Variants in NPHP3 observed in about 807,000 individuals in gnomAD.
NPHP3 encodes the protein nephrocystin-3.
A neutral mutation model predicts 171.9 loss-of-function variants in NPHP3; 123 were observed. That is an observed-to-expected ratio of 0.72 (90% CI 0.62 to 0.83). NPHP3 has a LOEUF of 0.83. Ranked by LOEUF, NPHP3 falls within the 40% of genes least tolerant of loss-of-function variation. The pLI, the probability that NPHP3 is intolerant of heterozygous loss-of-function variation, is 0.00. For missense variants in NPHP3, 1,506 were observed against 1,591.9 expected (o/e 0.95, Z 0.92); for synonymous variants, 558 against 579.2 (o/e 0.96, Z 0.52).
chr3:132,681,952 T>A lies in NPHP3; in HGVS notation c.3951A>T (p.Thr1317=). ...SSSGDTFSLK[T]AHSPNVFLQQ... is the part of the protein sequence containing the mutation. Reference sequence around the variant, plus strand: ...GAAGGAAAACATTAGGAGAATGAGCTGTTTTTAAGCTAAACGTGTCTCCAC... The same window carrying A: ...GAAGGAAAACATTAGGAGAATGAGCAGTTTTTAAGCTAAACGTGTCTCCAC... Residue 1317 remains threonine (T), a synonymous_variant, in exon 27 of 27, where the codon ACA becomes ACT. Coordinates refer to ENST00000337331, the MANE Select transcript of NPHP3 (RefSeq NM_153240.5). 1 of 1,614,186 alleles carries A rather than the reference T, an allele frequency of 6.2e-7. No homozygotes were observed. The highest frequency in any genetic ancestry group is 2.2e-5 in the East Asian group (1 of 44,864).
rs1306201779 is a variant in NPHP3 at position 132,681,552 on chromosome 3, G to A, written c.*358C>T. ...CAAAGTGGTGGGATTACAGGCATGA[G>A]CCACCATGCCTGGCCAAGATTCATG... On this transcript the variant is annotated 3_prime_UTR_variant, in exon 27 of 27. Coordinates refer to ENST00000337331, the MANE Select transcript of NPHP3 (RefSeq NM_153240.5). 1.4e-5 allele frequency: 4 copies of A among 291,726 alleles called. No individual in the cohort carries two copies. The highest frequency in any genetic ancestry group is 9.0e-5 in the African/African-American group (4 of 44,630). The allele number at this position is 291,726 out of a possible 1,614,324, so 18.1% of individuals were successfully genotyped here. A position where few individuals can be genotyped will look rare whatever the true frequency, so the allele number is the denominator to read the frequency against.
chr3:132,692,882 A>C, intron 16 of NPHP3, 64 bp from the exon 17 acceptor site: 1 of 1,325,718 alleles, frequency 7.5e-7, no homozygotes, highest in Non-Finnish European at 1.1e-6. Context: ...ACGGCCATTA[A>C]AAGTTCCATA....
At position 132,687,215 on chromosome 3, in the gene NPHP3, G is replaced by A. The variant is rs756790389; in HGVS notation, c.3137C>T (p.Ala1046Val). The change falls in exon 22 of 27, where the codon GCT becomes GTT. Residue 1046 changes from alanine (A) to valine (V), a missense_variant. This residue lies in a region of NPHP3 where 569 missense variants were observed against 648.1 expected (regional missense o/e 0.88). Coordinates refer to ENST00000337331, the MANE Select transcript of NPHP3 (RefSeq NM_153240.5). ...LYQKQNKYEQ[A>V]EHFRKKSFKI... ...AAAGGATTTTTTCCTAAAATGTTCA[G>A]CTTGTTCATATCTTAAAAAAAAATT... The A allele has an allele frequency of 5.8e-6, 8 of 1,377,432 alleles. No individual in the cohort carries two copies. Among genetic ancestry groups the A allele is most frequent in the Non-Finnish European group, 8.2e-6 (8 of 969,824 alleles). The allele number at this position is 1,377,432 out of a possible 1,614,324, so 85.3% of individuals were successfully genotyped here.
chr3:132,699,007 C>T (rs1214673080), intron 13 of NPHP3, among the ~76,000 whole-genome samples: 1 of 152,158 alleles, frequency 6.6e-6, no homozygotes, highest in Non-Finnish European at 1.5e-5. Flanking sequence ...ATTCTCCTGC[C>T]TCAGCCTTCC....
At chr3:132,714,127 T>C (rs867646080) in intron 5 of NPHP3, among the ~76,000 whole-genome samples, 2 of 152,370 alleles carry the variant, frequency 1.3e-5, no homozygotes, top group African/African-American at 4.8e-5. Flanking sequence ...ATTGGTGTTG[T>C]AGTGCTGCCA....
intron 16 of NPHP3, 160 bp from the exon 17 acceptor site, chr3:132,692,978 T>C (rs1166913751): frequency 4.0e-5 from 26 of 649,414 alleles, no homozygotes; most frequent in Non-Finnish European, 6.4e-5. Flanking sequence ...AAACACACTG[T>C]CCAAAAGACA....
chr3:132,684,959 C>A, intron 23 of NPHP3, 165 bp from the exon 24 acceptor site: 1 of 743,496 alleles, frequency 1.3e-6, no homozygotes, highest in Non-Finnish European at 2.2e-6. Context: ...ACCCCTATCT[C>A]TTCCTGCCCT....
In NPHP3 at chr3:132,722,409, C is replaced by T. The variant is rs1289350111; in HGVS notation, c.-54G>A. ...GTACCAGCAGGACTGGGCAGCGGAA[C>T]GGAACGGGACGGGGTGGGGCAGAGG... On this transcript the variant is annotated 5_prime_UTR_variant, in exon 1 of 27. Coordinates refer to ENST00000337331, the MANE Select transcript of NPHP3 (RefSeq NM_153240.5). 29 of 1,385,050 alleles carry T rather than the reference C, an allele frequency of 2.1e-5. No individual in the cohort carries two copies. Among genetic ancestry groups the T allele is most frequent in the Non-Finnish European group, 9.7e-7 (1 of 1,035,444 alleles). The allele number at this position is 1,385,050 out of a possible 1,614,324, so 85.8% of individuals were successfully genotyped here.
rs139380346 is a variant in NPHP3, at chr3:132,689,006, G to A, written c.2883+68C>T. 4.9e-4 allele frequency: 790 copies of A among 1,610,942 alleles called. 5 individuals carry two copies. The African/African-American group carries it at 7.6e-3, about 15-fold the overall frequency. On this transcript the variant is annotated intron_variant, in intron 20 of 26. Coordinates refer to ENST00000337331, the MANE Select transcript of NPHP3 (RefSeq NM_153240.5). ...CAAATGAAAACCACATTAACATCTT[G>A]GAAAAAGAGAAGAGTGAACACAAAA...
chr3:132,708,700 G>A (rs1939823240), intron 6 of NPHP3, among the ~76,000 whole-genome samples: 4 of 152,152 alleles, frequency 2.6e-5, no homozygotes, highest in Admixed American at 2.0e-4. Context: ...GCACCATCCA[G>A]GGCAACAGCC....
At position 132,688,643 on chromosome 3, in the gene NPHP3, A is replaced by G; in HGVS notation, c.3125+7T>C. ...AAATCAGGTATTACTGATCTAAAAAATCTTACTTATTTTGTTTCTGGTACA... is the reference window on the plus strand; with the variant it reads ...AAATCAGGTATTACTGATCTAAAAAGTCTTACTTATTTTGTTTCTGGTACA... On this transcript the variant is annotated splice_region_variant and intron_variant, in intron 21 of 26. Transcript: ENST00000337331. 6.2e-7 allele frequency: 1 copy of G among 1,613,850 alleles called. No individual in the cohort carries two copies. Among genetic ancestry groups the G allele is most frequent in the South Asian group, 1.1e-5 (1 of 91,072 alleles).
Position 132,722,205 on chromosome 3 carries a change from C to T in NPHP3, c.151G>A (p.Ala51Thr), listed in dbSNP as rs544912479. ...GACCCGGGCCCGGCCCCTGCTGCCG[C>T]CCCCGCGCCTCGGCGGAACGAGTTG... ...LRNSFRRGAGAAAGAGPGSLP... is the reference protein window; with the variant it reads ...LRNSFRRGAGTAAGAGPGSLP... The change falls in exon 1 of 27, where the codon GCG (alanine) becomes ACG (threonine). Residue 51 changes from alanine to threonine, a missense_variant. Physicochemically the swap from Ala to Thr is moderately conservative, Grantham distance 58 (BLOSUM62 0). Transcript: ENST00000337331. 2.6e-6 allele frequency: 4 copies of T among 1,513,214 alleles called. No homozygotes were observed. In the African/African-American group the frequency reaches 4.3e-5, roughly 16 times the overall value. 93.7% of individuals were successfully genotyped at this position (1,513,214 alleles called of 1,614,324 possible).
At chr3:132,712,550 A>C in intron 6 of NPHP3, 2 of 446,412 alleles carry the variant, frequency 4.5e-6, no homozygotes, top group South Asian at 3.2e-5. Flanking sequence ...GGGGATCACA[A>C]GGTTAGGAGA....
At chr3:132,706,322 G>T (rs1939750340) in intron 7 of NPHP3, among the ~76,000 whole-genome samples, 1 of 149,126 alleles carries the variant, frequency 6.7e-6, no homozygotes, top group Non-Finnish European at 1.5e-5. Flanking sequence ...TCGCTCTACT[G>T]CACTCCAGCC....
intron 10 of NPHP3, among the ~76,000 whole-genome samples, chr3:132,701,032 G>A (rs1173308335): frequency 6.6e-6 from 1 of 152,072 alleles, no homozygotes; most frequent in Non-Finnish European, 1.5e-5. Context: ...ACTCTAACTA[G>A]TATGCTTTTG....
intron 1 of NPHP3, among the ~76,000 whole-genome samples, chr3:132,720,420 T>C (rs1410520404): frequency 6.6e-6 from 1 of 152,198 alleles, no homozygotes; most frequent in Non-Finnish European, 1.5e-5. Context: ...CTCCGCCCTG[T>C]TTGGTTTGGC....
rs1482408615 is a variant in NPHP3, at chr3:132,713,171, T to C, written c.1073A>G (p.Glu358Gly). 3 of 1,524,572 alleles carry C rather than the reference T, an allele frequency of 2.0e-6. No individual in the cohort carries two copies. Among genetic ancestry groups the C allele is most frequent in the Non-Finnish European group, 2.7e-6 (3 of 1,111,790 alleles). 94.4% of individuals were successfully genotyped at this position (1,524,572 alleles called of 1,614,324 possible). ...QYLTVRKWEI[E>G]KSSLVILFIH... ...AAATAAAATAACTAAAGAACTTTTC[T>C]CAATTTCCCATTTTCTTACAGTGAG... Residue 358 changes from glutamate (E) to glycine (G), a missense_variant, in exon 6 of 27, where the codon GAG (glutamate) becomes GGG (glycine). Physicochemically the swap from Glu to Gly is moderately conservative, Grantham distance 98 (BLOSUM62 -2). Coordinates refer to ENST00000337331, the MANE Select transcript of NPHP3 (RefSeq NM_153240.5).
In NPHP3 at chr3:132,696,728, C is replaced by T. The variant is rs2107976705; in HGVS notation, c.2171+3G>A. 2 of 1,613,370 alleles carry T rather than the reference C, an allele frequency of 1.2e-6. No individual in the cohort carries two copies. Among genetic ancestry groups the T allele is most frequent in the Non-Finnish European group, 1.7e-6 (2 of 1,179,308 alleles). On this transcript the variant is annotated splice_donor_region_variant and intron_variant, in intron 15 of 26. Coordinates refer to ENST00000337331, the MANE Select transcript of NPHP3 (RefSeq NM_153240.5). Reference sequence around the variant, plus strand: ...AAGATCATGTAAAATAATCACCACTCACCGCGCGATCATTTTGCCGAAAAG... The same window carrying T: ...AAGATCATGTAAAATAATCACCACTTACCGCGCGATCATTTTGCCGAAAAG...
chr3:132,687,632 AC>A (rs1167445317), intron 21 of NPHP3, among the ~76,000 whole-genome samples: 1 of 152,254 alleles, frequency 6.6e-6, no homozygotes, highest in Non-Finnish European at 1.5e-5. Flanking sequence ...TTAATTAACA[AC>A]TTTTTCTGCA....
Sources: gnomAD v4.1 joint callset for allele counts (sites outside exome capture counted in the v4.1 genomes callset) on GRCh38, gnomAD v4.1.1 for gene constraint, gnomAD v4.1.1 regional missense constraint, MANE v1.5 for transcripts, NCBI Gene and HGNC (gene_info 2026-07-23, HGNC 2026-07-21) for gene names.